The following RBFOX1 variants were observed in gnomAD, a reference collection of about 807,000 sequenced individuals.
The protein encoded by RBFOX1 is RNA binding protein fox-1 homolog 1.
In RBFOX1, 8 loss-of-function variants were observed where a neutral mutation model predicts 57.7. The observed-to-expected ratio is 0.14, with a 90% CI of 0.08 to 0.25. RBFOX1 has a LOEUF of 0.25. Among genes scored for constraint, RBFOX1 ranks in the 10% least tolerant of loss-of-function variants. The pLI is 1.00. For synonymous variants in RBFOX1, 326 were observed against 222.4 expected, an observed-to-expected ratio of 1.47 and a Z score of -4.15; for missense variants, 611 against 548.5, an observed-to-expected ratio of 1.11 and a Z score of -1.14.
chr16:7,093,545 G>C (rs1220458185), intron 4 of RBFOX1, among the ~76,000 whole-genome samples: 1 of 152,198 alleles, frequency 6.6e-6, no homozygotes, highest in East Asian at 1.9e-4. Context: ...TCTTCAGGCA[G>C]AGGAATGATG....
chr16:7,018,787 TAAAA>T (rs141781801), intron 3 of RBFOX1, among the ~76,000 whole-genome samples: 1 of 146,454 alleles, frequency 6.8e-6, no homozygotes, highest in Non-Finnish European at 1.5e-5. Flanking sequence ...CTTAAAGTAT[TAAAA>T]AAAAAAAAGA....
chr16:7,508,697 C>T (rs1200921948), intron 4 of RBFOX1, among the ~76,000 whole-genome samples: 3 of 152,066 alleles, frequency 2.0e-5, no homozygotes, highest in African/African-American at 2.4e-5. Flanking sequence ...AAAAGAAAAA[C>T]CTCGCCCAGG....
intron 1 of RBFOX1, among the ~76,000 whole-genome samples, chr16:6,081,757 A>G (rs1345743456): frequency 1.3e-5 from 2 of 152,178 alleles, no homozygotes; most frequent in East Asian, 3.9e-4. Context: ...AGGTTAATGG[A>G]ATACCCAAAG....
intron 3 of RBFOX1, among the ~76,000 whole-genome samples, chr16:5,649,397 T>C (rs2049157658): frequency 6.6e-6 from 1 of 152,156 alleles, no homozygotes; most frequent in Non-Finnish European, 1.5e-5. Context: ...CTTGAACTCC[T>C]GACCTCAGGT....
chr16:6,947,563 C>T (rs1392583677), intron 3 of RBFOX1, among the ~76,000 whole-genome samples: 1 of 152,156 alleles, frequency 6.6e-6, no homozygotes. Context: ...GACTTGAGTT[C>T]CTGTTGCCCT....
chr16:7,330,233 C>G (rs1444188885), intron 4 of RBFOX1, among the ~76,000 whole-genome samples: 3 of 151,986 alleles, frequency 2.0e-5, no homozygotes, highest in African/African-American at 7.2e-5. Context: ...TGCATATAAC[C>G]TATGCACATC....
At chr16:6,807,323 A>G (rs1461555016) in intron 3 of RBFOX1, among the ~76,000 whole-genome samples, 2 of 152,084 alleles carry the variant, frequency 1.3e-5, no homozygotes, top group Non-Finnish European at 2.9e-5. Context: ...AATGAAGAGA[A>G]CTTGGCAATA....
intron 1 of RBFOX1, among the ~76,000 whole-genome samples, chr16:6,078,795 T>A (rs927890840): frequency 2.0e-5 from 3 of 152,234 alleles, no homozygotes; most frequent in Non-Finnish European, 2.9e-5. Flanking sequence ...TAGTCTTTCA[T>A]CATTCTGGAT....
intron 4 of RBFOX1, among the ~76,000 whole-genome samples, chr16:7,098,501 T>C (rs1347022954): frequency 6.6e-6 from 1 of 152,180 alleles, no homozygotes; most frequent in Non-Finnish European, 1.5e-5. Flanking sequence ...CATTCATTTG[T>C]AAAATTAAGC....
chr16:6,827,904 A>C (rs887137288), intron 3 of RBFOX1, among the ~76,000 whole-genome samples: 1 of 152,184 alleles, frequency 6.6e-6, no homozygotes, highest in African/African-American at 2.4e-5. Context: ...TTCCAGTAGT[A>C]ATTTGCATAC....
Position 7,415,291 on chromosome 16 carries a change from T to C in RBFOX1, c.28-102856T>C, listed in dbSNP as rs151272236. 4.1e-3 allele frequency among the ~76,000 whole-genome samples: 632 copies of C among 152,318 alleles called. 5 individuals are homozygous for C. Among genetic ancestry groups the C allele is most frequent in the African/African-American group, 0.014 (598 of 41,566 alleles). On this transcript the variant is annotated intron_variant, in intron 4 of 15. Coordinates refer to ENST00000550418, the MANE Select transcript of RBFOX1 (RefSeq NM_018723.4). The stretch of plus-strand genomic sequence containing the variant: ...GCATCCAATGACAGGTACCACTGGC[T>C]AGCATTATAATCCAAGATAAATCCA...
intron 2 of RBFOX1, among the ~76,000 whole-genome samples, chr16:6,649,538 C>T (rs1247715750): frequency 3.3e-5 from 5 of 152,092 alleles, no homozygotes; most frequent in Admixed American, 6.6e-5. Flanking sequence ...CCCCTGAGTC[C>T]GCAAAGTCCA....
chr16:6,276,695 A>G (rs1246784632), intron 1 of RBFOX1, among the ~76,000 whole-genome samples: 1 of 150,942 alleles, frequency 6.6e-6, no homozygotes, highest in Non-Finnish European at 1.5e-5. Context: ...TTGACTGGTT[A>G]TGCAGATACT....
intron 3 of RBFOX1, among the ~76,000 whole-genome samples, chr16:7,038,535 G>T (rs988051481): frequency 6.6e-6 from 1 of 152,178 alleles, no homozygotes; most frequent in Non-Finnish European, 1.5e-5. Context: ...CACCCTGCAA[G>T]GTATCAGATG....
chr16:6,939,506 C>CTTTTT (rs796218936), intron 3 of RBFOX1, among the ~76,000 whole-genome samples: 1 of 112,888 alleles, frequency 8.9e-6, no homozygotes. Context: ...ATTTTTCTTT[C>CTTTTT]TTTTTTTTTT....
chr16:5,670,541 T>C (rs995697648), intron 3 of RBFOX1, among the ~76,000 whole-genome samples: 1 of 152,210 alleles, frequency 6.6e-6, no homozygotes, highest in Non-Finnish European at 1.5e-5. Context: ...GATTTTCATT[T>C]CCAAGTTTCT....
Position 5,276,535 on chromosome 16 carries a change from A to G in RBFOX1, c.219+36430A>G, listed in dbSNP as rs144735824. 3.5e-3 allele frequency among the ~76,000 whole-genome samples: 537 copies of G among 152,372 alleles called. 2 individuals are homozygous for G. Among genetic ancestry groups the G allele is most frequent in the African/African-American group, 0.012 (509 of 41,588 alleles). ...CGCCGTGGCTGACGCGTGTAATCCC[A>G]GTACTTTGGGAGGCCGAGGCGGGTG... On this transcript the variant is annotated intron_variant, in intron 1 of 2. Transcript: ENST00000585867.
intron 4 of RBFOX1, among the ~76,000 whole-genome samples, chr16:5,981,017 G>A (rs942563755): frequency 2.0e-5 from 3 of 152,162 alleles, no homozygotes; most frequent in Non-Finnish European, 4.4e-5. Flanking sequence ...GGGAGCTCAC[G>A]GAAAATGCGC....
At chr16:6,511,594 C>T (rs1369843833) in intron 2 of RBFOX1, among the ~76,000 whole-genome samples, 2 of 152,170 alleles carry the variant, frequency 1.3e-5, no homozygotes, top group Non-Finnish European at 2.9e-5. Context: ...GAATAGTCCT[C>T]ATACATAATT....
Sources: gnomAD v4.1 joint callset for allele counts (sites outside exome capture counted in the v4.1 genomes callset) on GRCh38, gnomAD v4.1.1 for gene constraint, MANE v1.5 for transcripts, NCBI Gene and HGNC (gene_info 2026-07-23, HGNC 2026-07-21) for gene names.